The following OGFOD3 variants were observed in gnomAD, a reference collection of about 807,000 sequenced individuals.
The protein encoded by OGFOD3 is 2-oxoglutarate and iron-dependent oxygenase domain-containing protein 3.
A neutral mutation model predicts 39.8 loss-of-function variants in OGFOD3; 35 were observed. The observed-to-expected ratio is 0.88, with a 90% confidence interval of 0.67 to 1.17. The LOEUF (loss-of-function observed/expected upper bound fraction) is 1.17, where lower values mean the gene tolerates loss of function less well. OGFOD3 is among the 50% of genes most tolerant of loss of function. The pLI is 0.00. For synonymous variants in OGFOD3, 200 were observed against 192.0 expected, an observed-to-expected ratio of 1.04 and a Z score of -0.34; for missense variants, 438 against 454.5, an observed-to-expected ratio of 0.96 and a Z score of 0.33.
intron 2 of OGFOD3, 180 bp from the exon 3 acceptor site, chr17:82,411,710 G>T: frequency 1.8e-6 from 1 of 556,234 alleles, no homozygotes; most frequent in Non-Finnish European, 3.2e-6. Context: ...ACGTCTCACT[G>T]GGCCACCTTG....
rs375703256 is a variant in OGFOD3 at position 82,406,721 on chromosome 17, C to T, written c.424-239G>A. The stretch of plus-strand genomic sequence containing the variant: ...CCAGGCTCCAGGCCAAACAATCCTC[C>T]CACCCTCTGCCTCCCAAGTAAAGGC... On this transcript the variant is annotated intron_variant, in intron 4 of 8. Coordinates refer to ENST00000313056, the MANE Select transcript of OGFOD3 (RefSeq NM_024648.3). This position sits in a 1 kb window ranked among gnomAD's most constrained non-coding sequence, Gnocchi z 5.2. 1.3e-5 allele frequency among the ~76,000 whole-genome samples: 2 copies of T among 152,250 alleles called. No individual in the cohort carries two copies. Among genetic ancestry groups the T allele is most frequent in the East Asian group, 1.9e-4 (1 of 5,172 alleles).
chr17:82,403,234 G>C (rs1300037689), intron 7 of OGFOD3, among the ~76,000 whole-genome samples: 2 of 152,142 alleles, frequency 1.3e-5, no homozygotes, highest in Non-Finnish European at 2.9e-5. Context: ...TGTGGGCCGG[G>C]TTCTCCACTT....
intron 8 of OGFOD3, chr17:82,396,533 TAGAC>T (rs1481570737): frequency 2.6e-5 from 4 of 152,206 alleles, no homozygotes; most frequent in African/African-American, 9.7e-5. Flanking sequence ...TAGATACAAT[TAGAC>T]AGACACATGC....
intron 8 of OGFOD3, among the ~76,000 whole-genome samples, chr17:82,395,197 G>A (rs570771150): frequency 2.4e-4 from 36 of 152,142 alleles, no homozygotes; most frequent in Middle Eastern, 3.4e-3. Context: ...ACACCCGGCT[G>A]CTTTTTGTAT....
chr17:82,415,305 T>C lies in OGFOD3; in HGVS notation c.304+93A>G. The C allele has an allele frequency of 1.6e-6, 2 of 1,266,442 alleles. 1 individual carries two copies. The highest frequency in any genetic ancestry group is 2.7e-5 in the South Asian group (2 of 74,938). 78.5% of individuals were successfully genotyped at this position (1,266,442 alleles called of 1,614,324 possible). A position where few individuals can be genotyped will look rare whatever the true frequency, so the allele number is the denominator to read the frequency against. On this transcript the variant is annotated intron_variant, in intron 2 of 8. Coordinates refer to ENST00000313056, the MANE Select transcript of OGFOD3 (RefSeq NM_024648.3). This position sits in a 1 kb window ranked among gnomAD's most constrained non-coding sequence, Gnocchi z 5.3. ...AGAGGTTGTCTGCTACCCCCAAGCA[T>C]ACCACATCCAACCCAATTCCCACCC...
intron 2 of OGFOD3, among the ~76,000 whole-genome samples, chr17:82,414,552 C>T (rs1274507153): frequency 6.6e-6 from 1 of 152,232 alleles, no homozygotes; most frequent in Non-Finnish European, 1.5e-5. Flanking sequence ...AGAACTTCTG[C>T]TAAGAAAGAG....
At chr17:82,412,929 G>A (rs878856076) in intron 2 of OGFOD3, among the ~76,000 whole-genome samples, 1 of 152,138 alleles carries the variant, frequency 6.6e-6, no homozygotes, top group Admixed American at 6.5e-5. Context: ...TAAAAGCCTC[G>A]CACTCAGTGC....
In OGFOD3 at chr17:82,398,254, G is replaced by A. The variant is rs116091860; in HGVS notation, c.765C>T (p.Gly255=). ...LYLSNYLEDF[G]GGRFMFMEEG... The stretch of plus-strand genomic sequence containing the variant: ...CCTCCATGAACATGAACCGCCCTCC[G>A]CCGAAGTCCTCCAGGTAGTTGGAGA... Residue 255 remains glycine, a synonymous_variant, in exon 8 of 9, where the codon GGC becomes GGT. Transcript: ENST00000313056. 7.2e-4 allele frequency: 1,170 copies of A among 1,614,162 alleles called. 2 individuals are homozygous for A. In the African/African-American group the frequency reaches 9.7e-3, roughly 13 times the overall value.
intron 7 of OGFOD3, among the ~76,000 whole-genome samples, chr17:82,402,365 G>A (rs1213066337): frequency 3.3e-5 from 5 of 151,682 alleles, no homozygotes; most frequent in East Asian, 1.9e-4. Context: ...AACCCAGGAG[G>A]CGGAGGTTGT....
intron 3 of OGFOD3, among the ~76,000 whole-genome samples, chr17:82,410,140 G>C (rs571710753): frequency 6.6e-6 from 1 of 152,332 alleles, no homozygotes; most frequent in East Asian, 1.9e-4. Flanking sequence ...AGCTGTGCTG[G>C]ACCACAGAGG....
intron 1 of OGFOD3, among the ~76,000 whole-genome samples, chr17:82,416,733 C>T (rs1392222556): frequency 6.6e-6 from 1 of 151,948 alleles, no homozygotes; most frequent in African/African-American, 2.4e-5. Context: ...TGCAATGGCA[C>T]GATCTTGGCT....
In OGFOD3 at chr17:82,411,463, CCG is replaced by C; in HGVS notation, c.370_371del (p.Arg124AspfsTer6). On this transcript the variant is annotated frameshift_variant, in exon 3 of 9. Transcript: ENST00000313056. LOFTEE classifies it high-confidence loss of function. ...DVVITREEAE[R>X]IRSVAEKGLS... ...CAGGGACAGGCGGTTACCTGCGAAT[CCG>C]CTCCGCTTCCTCCCTGGTGATGACG... 1 of 1,614,132 alleles carries C rather than the reference CCG, an allele frequency of 6.2e-7. No individual in the cohort carries two copies. The highest frequency in any genetic ancestry group is 8.5e-7 in the Non-Finnish European group (1 of 1,179,990).
Position 82,406,497 on chromosome 17 carries a change from G to C in OGFOD3, c.424-15C>G, listed in dbSNP as rs757749915. The stretch of plus-strand genomic sequence containing the variant: ...AGAATGGATGCCTGGAAAAGACGTT[G>C]TGGAGTAAAGCGTGCAGCCGCAGCA... On this transcript the variant is annotated splice_polypyrimidine_tract_variant and intron_variant, in intron 4 of 8. Coordinates refer to ENST00000313056, the MANE Select transcript of OGFOD3 (RefSeq NM_024648.3). The surrounding 1 kb of genome is among the most constrained non-coding windows in gnomAD (Gnocchi z 5.2). 4.3e-6 allele frequency: 7 copies of C among 1,612,748 alleles called. No homozygotes were observed. The Admixed American group carries it at 1.0e-4, about 23-fold the overall frequency.
chr17:82,402,291 T>TGG (rs1018872574), intron 7 of OGFOD3, among the ~76,000 whole-genome samples: 2 of 151,296 alleles, frequency 1.3e-5, no homozygotes, highest in African/African-American at 2.4e-5. Flanking sequence ...AAAAATTAGC[T>TGG]GGGCGTGGTG....
rs1026829125 is a variant in OGFOD3 at position 82,392,107 on chromosome 17, G to C, written c.*291C>G. The C allele has an allele frequency of 6.5e-6, 3 of 458,650 alleles. No homozygotes were observed. The highest frequency in any genetic ancestry group is 4.0e-5 in the African/African-American group (2 of 50,184). 28.4% of individuals were successfully genotyped at this position (458,650 alleles called of 1,614,324 possible). A position where few individuals can be genotyped will look rare whatever the true frequency, so the allele number is the denominator to read the frequency against. Reference sequence around the variant, plus strand: ...GGGGTTGCTGAACCTGGGTGGATGAGTCCCGTCCATTCACAGATGGGGACT... The same window carrying C: ...GGGGTTGCTGAACCTGGGTGGATGACTCCCGTCCATTCACAGATGGGGACT... On this transcript the variant is annotated 3_prime_UTR_variant, in exon 9 of 9. Coordinates refer to ENST00000313056, the MANE Select transcript of OGFOD3 (RefSeq NM_024648.3). This position sits in a 1 kb window ranked among gnomAD's most constrained non-coding sequence, Gnocchi z 4.2.
At position 82,415,560 on chromosome 17, in the gene OGFOD3, C is replaced by A. The variant is rs1485929941; in HGVS notation, c.142G>T (p.Gly48Cys). 1 of 1,613,498 alleles carries A rather than the reference C, an allele frequency of 6.2e-7. No homozygotes were observed. The highest frequency in any genetic ancestry group is 1.7e-5 in the Admixed American group (1 of 60,016). The change falls in exon 2 of 9, where the codon GGC becomes TGC. Residue 48 changes from glycine (G) to cysteine (C), a missense_variant. Coordinates refer to ENST00000313056, the MANE Select transcript of OGFOD3 (RefSeq NM_024648.3). This position sits in a 1 kb window ranked among gnomAD's most constrained non-coding sequence, Gnocchi z 5.3. ...GTGAGCACAAAGCCAGCCCCCAGGC[C>A]CGCGGTCCTTAGCCACGGCCTCTGC... ...LWQRPWLRTA[G>C]LGAGFVLTAL...
At position 82,398,193 on chromosome 17, in the gene OGFOD3, TACCAGCTCTCGGCTCC is replaced by T; in HGVS notation, c.810_823+2del. ...ACGCCCAGGCCCCGCCCGCGCCTCC[TACCAGCTCTCGGCTCC>T]ACCGTCTTGTTGGCACCCTCCTCCA... is the stretch of plus-strand genomic sequence containing the variant. On this transcript the variant is annotated splice_donor_variant and coding_sequence_variant, in exon 8 of 9. Coordinates refer to ENST00000313056, the MANE Select transcript of OGFOD3 (RefSeq NM_024648.3). LOFTEE classifies it high-confidence loss of function. The T allele has an allele frequency of 6.2e-7, 1 of 1,613,946 alleles. No individual in the cohort carries two copies. The highest frequency in any genetic ancestry group is 1.3e-5 in the African/African-American group (1 of 74,998).
At chr17:82,405,478 C>A in intron 5 of OGFOD3, 98 bp from the exon 6 acceptor site, 2 of 1,021,428 alleles carry the variant, frequency 2.0e-6, no homozygotes, top group African/African-American at 1.6e-5. Context: ...TGAAAATCAA[C>A]TCACACATTC....
Position 82,391,478 on chromosome 17 carries a change from GATTA to G in OGFOD3, c.*916_*919del, listed in dbSNP as rs1411066791. 6.6e-6 allele frequency: 1 copy of G among 152,428 alleles called. No individual in the cohort carries two copies. The highest frequency in any genetic ancestry group is 1.5e-5 in the Non-Finnish European group (1 of 68,224). The allele number at this position is 152,428 out of a possible 1,614,324, so 9.4% of individuals were successfully genotyped here. A position where few individuals can be genotyped will look rare whatever the true frequency, so the allele number is the denominator to read the frequency against. On this transcript the variant is annotated 3_prime_UTR_variant, in exon 9 of 9. Transcript: ENST00000313056. This position sits in a 1 kb window ranked among gnomAD's most constrained non-coding sequence, Gnocchi z 5.1. Reference sequence around the variant, plus strand: ...CTGCCTCAGCCTCCCCAGTAGCTGGGATTAATTTGTTTTTGTGTTTTTAGTAGAG... The same window carrying G: ...CTGCCTCAGCCTCCCCAGTAGCTGGGATTTGTTTTTGTGTTTTTAGTAGAG...
Sources: gnomAD v4.1 joint callset for allele counts (sites outside exome capture counted in the v4.1 genomes callset) on GRCh38, gnomAD v4.1.1 for gene constraint, Gnocchi (gnomAD v3.1) non-coding constraint, MANE v1.5 for transcripts, NCBI Gene and HGNC (gene_info 2026-07-23, HGNC 2026-07-21) for gene names.